The following ITFG2 variants were observed in gnomAD, a reference collection of about 807,000 sequenced individuals.
ITFG2 encodes KICSTOR complex protein ITFG2.
Under a neutral mutation model 54.4 loss-of-function variants are expected in ITFG2, and 36 were observed. The observed-to-expected ratio is 0.66, with a 90% CI of 0.51 to 0.87. ITFG2 has a LOEUF of 0.87. ITFG2 is among the 40% of genes least tolerant of loss of function. ITFG2 has a pLI of 0.00. For missense variants in ITFG2, 524 were observed against 576.7 expected (o/e 0.91, Z 0.94); for synonymous variants, 211 against 225.4 (o/e 0.94, Z 0.57).
At chr12:2,823,304 A>C (rs569851528) in intron 10 of ITFG2, among the ~76,000 whole-genome samples, 2 of 150,914 alleles carry the variant, frequency 1.3e-5, no homozygotes, top group African/African-American at 4.9e-5. Context: ...GTCTCTGTGA[A>C]GAAAGTTCTC....
chr12:2,848,877 G>GCACACACACA lies in ITFG2; in HGVS notation n.300+7908_300+7917dup, dbSNP rs3056877. ...CCCCCACCCCAACAGACACACACACGCACACACACACACACACACACACAC... is the reference window on the plus strand; with the variant it reads ...CCCCCACCCCAACAGACACACACACGCACACACACACACACACACACACACACACACACAC... On this transcript the variant is annotated intron_variant and non_coding_transcript_variant, in intron 2 of 3. Transcript: ENST00000537710. Among the ~76,000 whole-genome samples the GCACACACACA allele has an allele frequency of 9.3e-3, 1,309 of 140,338 alleles. 11 individuals are homozygous for GCACACACACA. Among genetic ancestry groups the GCACACACACA allele is most frequent in the Admixed American group, 0.012 (161 of 13,944 alleles). 92.1% of individuals were successfully genotyped at this position (140,338 alleles called of 152,430 possible). A position where few individuals can be genotyped will look rare whatever the true frequency, so the allele number is the denominator to read the frequency against.
At chr12:2,814,525 A>G (rs2097917001) in intron 1 of ITFG2, among the ~76,000 whole-genome samples, 1 of 152,156 alleles carries the variant, frequency 6.6e-6, no homozygotes, top group Admixed American at 6.5e-5. Flanking sequence ...TATATTCTCA[A>G]CACTTAGAAC....
intron 4 of ITFG2, 122 bp downstream of exon 4, chr12:2,818,399 A>G (rs1321446401): frequency 6.6e-7 from 1 of 1,522,272 alleles, no homozygotes; most frequent in Middle Eastern, 1.7e-4. Context: ...TTATGTGCTG[A>G]GCTCCCATGA....
At chr12:2,836,248 G>C (rs1274144351), upstream of ITFG2, among the ~76,000 whole-genome samples, 1 of 152,208 alleles carries the variant, frequency 6.6e-6, no homozygotes, top group Non-Finnish European at 1.5e-5. Flanking sequence ...GGCTCCTGAG[G>C]TTCCACATCC....
rs374998139 is a variant in ITFG2 at position 2,859,049 on chromosome 12, C to T, written n.621-485C>T. 209 of 1,608,056 alleles carry T rather than the reference C, an allele frequency of 1.3e-4. 2 individuals carry two copies. The Middle Eastern group carries it at 2.0e-3, about 15-fold the overall frequency. ...CCAGTCCCCCTACTTTGGCTGGGGG[C>T]GTGAGCCTCCAGGATTCAGGGGTTC... On this transcript the variant is annotated intron_variant and non_coding_transcript_variant, in intron 3 of 3. Coordinates refer to the ITFG2 transcript ENST00000537710.
exon 2 of ITFG2, chr12:2,840,951 A>G (rs2098039631): frequency 6.5e-6 from 1 of 152,686 alleles, no homozygotes; most frequent in African/African-American, 2.4e-5. Flanking sequence ...GGAGAGGGCC[A>G]TGCAGACACC....
At position 2,845,904 on chromosome 12, in the gene ITFG2, A is replaced by G. The variant is rs2098052133; in HGVS notation, n.300+4909A>G. 6.6e-6 allele frequency among the ~76,000 whole-genome samples: 1 copy of G among 151,938 alleles called. No individual in the cohort carries two copies. The highest frequency in any genetic ancestry group is 6.6e-5 in the Admixed American group (1 of 15,250). ...TTTTGTTGAGTTAGGGTCTCACTGT[A>G]TTCCCCAGGCTGGTCTGAAACTCCT... is the stretch of plus-strand genomic sequence containing the variant. On this transcript the variant is annotated intron_variant and non_coding_transcript_variant, in intron 2 of 3. Transcript: ENST00000537710. The surrounding 1 kb of genome is among the most constrained non-coding windows in gnomAD (Gnocchi z 4.2).
At chr12:2,832,407 ACTCCTCT>A (rs112717762), upstream of ITFG2, among the ~76,000 whole-genome samples, 1,214 of 150,280 alleles carry the variant, frequency 8.1e-3, 18 homozygotes, top group Non-Finnish European at 7.4e-3. Flanking sequence ...CCATGTCTTC[ACTCCTCT>A]CTCCTCTCTC....
chr12:2,831,583 C>CAA (rs1353741094), downstream of ITFG2, among the ~76,000 whole-genome samples: 2 of 140,128 alleles, frequency 1.4e-5, no homozygotes, highest in African/African-American at 5.2e-5. Flanking sequence ...GACTCTGTCT[C>CAA]AAAAAAAAAA....
rs949750554 is a variant in ITFG2, at chr12:2,855,240, C to T, written n.301-2772C>T. ...ACACATCGAGCCACGTGTGAAAGCC[C>T]CAGGTGTGCTGGGCGCCACCCTTCC... On this transcript the variant is annotated intron_variant and non_coding_transcript_variant, in intron 2 of 3. Transcript: ENST00000537710. The T allele has an allele frequency of 9.9e-6, 15 of 1,507,868 alleles. No homozygotes were observed. In the African/African-American group the frequency reaches 1.8e-4, roughly 18 times the overall value. 93.4% of individuals were successfully genotyped at this position (1,507,868 alleles called of 1,614,324 possible). A position where few individuals can be genotyped will look rare whatever the true frequency, so the allele number is the denominator to read the frequency against.
chr12:2,825,864 G>A (rs1321500265), downstream of ITFG2: 1 of 152,212 alleles, frequency 6.6e-6, no homozygotes, highest in African/African-American at 2.4e-5. Flanking sequence ...CCAGGTTCAA[G>A]CAACTCCTAT....
upstream of ITFG2, chr12:2,836,627 A>AC (rs1175892607): frequency 6.6e-6 from 1 of 152,124 alleles, no homozygotes; most frequent in African/African-American, 2.4e-5. Flanking sequence ...TGTACCCCTA[A>AC]CCCCTAGTAC....
downstream of ITFG2, chr12:2,831,044 C>T: frequency 1.9e-6 from 1 of 529,754 alleles, no homozygotes. Flanking sequence ...CAAATCATGC[C>T]GTTTTCCTTG....
upstream of ITFG2, among the ~76,000 whole-genome samples, chr12:2,831,981 C>T (rs115407882): frequency 3.6e-3 from 553 of 152,220 alleles, 2 homozygotes; most frequent in African/African-American, 0.013. Context: ...AAGTTCATAA[C>T]CTGTCTCCAG....
At chr12:2,821,917 C>A in intron 9 of ITFG2, 125 bp downstream of exon 9, 46 of 446,114 alleles carry the variant, frequency 1.0e-4, no homozygotes, top group Non-Finnish European at 1.6e-4. Flanking sequence ...GTCTCTGTCT[C>A]TTTTTTTTTT....
rs1359371038 is a variant in ITFG2, at chr12:2,849,143, C to T, written n.300+8148C>T. Reference sequence around the variant, plus strand: ...TGCAGAAGCCAGAGTCCTTTTGCTACCCCAGGGCCTCTTGCTGAAGGAGCA... The same window carrying T: ...TGCAGAAGCCAGAGTCCTTTTGCTATCCCAGGGCCTCTTGCTGAAGGAGCA... On this transcript the variant is annotated intron_variant and non_coding_transcript_variant, in intron 2 of 3. Coordinates refer to the ITFG2 transcript ENST00000537710. The T allele has an allele frequency of 2.2e-6, 3 of 1,375,636 alleles. No individual in the cohort carries two copies. In the African/African-American group the frequency reaches 4.4e-5, roughly 20 times the overall value. The allele number at this position is 1,375,636 out of a possible 1,614,324, so 85.2% of individuals were successfully genotyped here. A position where few individuals can be genotyped will look rare whatever the true frequency, so the allele number is the denominator to read the frequency against.
Position 2,817,916 on chromosome 12 carries a change from G to C in ITFG2, c.200G>C (p.Cys67Ser). 1 of 1,613,928 alleles carries C rather than the reference G, an allele frequency of 6.2e-7. No homozygotes were observed. The highest frequency in any genetic ancestry group is 1.7e-4 in the Middle Eastern group (1 of 6,050). ...TCCCTTTCTCTCTTACAGCTGACTT[G>C]CGTTGGGGTTGGAGACGTGTGTAAT... ...LTCSCQGMLT[C>S]VGVGDVCNKG... Residue 67 changes from cysteine (C) to serine (S), a missense_variant, in exon 3 of 12, where the codon TGC becomes TCC. Transcript: ENST00000228799.
Position 2,824,228 on chromosome 12 carries a change from T to C in ITFG2, c.*35T>C. 2 of 1,593,674 alleles carry C rather than the reference T, an allele frequency of 1.3e-6. No individual in the cohort carries two copies. The highest frequency in any genetic ancestry group is 1.7e-6 in the Non-Finnish European group (2 of 1,161,430). On this transcript the variant is annotated 3_prime_UTR_variant, in exon 12 of 12. Transcript: ENST00000228799. ...CCTCATAGCTGGTGAAGGATTCTTC[T>C]GAACCCCCACCCTACCCCCTAAAGG...
rs766193546 is a variant in ITFG2, at chr12:2,820,891, G to A, written c.695+19G>A. ...GTAGTAGGTAAGGGGGTACAGGCCA[G>A]TGGATGGTGTGGGGGTGCATGGAAG... On this transcript the variant is annotated intron_variant, in intron 6 of 11. Transcript: ENST00000228799. 1.9e-6 allele frequency: 3 copies of A among 1,613,248 alleles called. No individual in the cohort carries two copies. The highest frequency in any genetic ancestry group is 2.2e-5 in the South Asian group (2 of 91,030).
Sources: gnomAD v4.1 joint callset for allele counts (sites outside exome capture counted in the v4.1 genomes callset) on GRCh38, gnomAD v4.1.1 for gene constraint, Gnocchi (gnomAD v3.1) non-coding constraint, MANE v1.5 for transcripts, NCBI Gene and HGNC (gene_info 2026-07-23, HGNC 2026-07-21) for gene names.